PXDC1: variants seen among roughly 807,000 people sequenced by gnomAD.
PXDC1 encodes PX domain containing 1.
In PXDC1, 13 loss-of-function variants were observed where a neutral mutation model predicts 24.4. That is an observed-to-expected ratio of 0.53 (90% confidence interval 0.35 to 0.85). The LOEUF is 0.85. PXDC1 is among the 40% of genes least tolerant of loss of function. The pLI, the probability that PXDC1 is intolerant of heterozygous loss-of-function variation, is 0.01. For missense variants in PXDC1, 344 were observed against 309.3 expected (o/e 1.11, Z -0.84); for synonymous variants, 162 against 124.9 (o/e 1.30, Z -1.98).
chr6:3,728,777 T>A lies in PXDC1; in HGVS notation c.467-1115A>T, dbSNP rs1760129270. 6.6e-6 allele frequency among the ~76,000 whole-genome samples: 1 copy of A among 152,166 alleles called. No homozygotes were observed. The highest frequency in any genetic ancestry group is 6.5e-5 in the Admixed American group (1 of 15,278). On this transcript the variant is annotated intron_variant, in intron 3 of 4. Coordinates refer to ENST00000380283, the MANE Select transcript of PXDC1 (RefSeq NM_183373.4). This position sits in a 1 kb window ranked among gnomAD's most constrained non-coding sequence, Gnocchi z 4.0. The stretch of plus-strand genomic sequence containing the variant: ...TAGGTATAAAAAGCTGCAGCGTTCG[T>A]TTGTATTTTCTGAGGGACCGCGTTT...
rs749034885 is a variant in PXDC1 at position 3,751,480 on chromosome 6, C to A, written c.52G>T (p.Gly18Cys). ...CTGCGGATGCCGTTCACCCAGCAGC[C>A]GCGCACGAACATGTTCACGAGCGAC... ...GTSLVNMFVR[G>C]CWVNGIRRLI... The change falls in exon 1 of 5, where the codon GGC (glycine) becomes TGC (cysteine). Residue 18 changes from glycine (G) to cysteine (C), a missense_variant. Gly to Cys is a radical substitution (Grantham distance 159). Transcript: ENST00000380283. 3.1e-6 allele frequency: 5 copies of A among 1,604,534 alleles called. No homozygotes were observed. In the South Asian group the frequency reaches 3.4e-5, roughly 11 times the overall value.
At chr6:3,741,067 C>A (rs978510415) in intron 1 of PXDC1, among the ~76,000 whole-genome samples, 2 of 152,246 alleles carry the variant, frequency 1.3e-5, no homozygotes, top group Admixed American at 1.3e-4. Context: ...TGTGTGTGCA[C>A]CAGCTGCCCT....
At position 3,724,828 on chromosome 6, in the gene PXDC1, C is replaced by T. The variant is rs1717253547; in HGVS notation, c.579-1092G>A. On this transcript the variant is annotated intron_variant, in intron 4 of 4. Coordinates refer to ENST00000380283, the MANE Select transcript of PXDC1 (RefSeq NM_183373.4). This position sits in a 1 kb window ranked among gnomAD's most constrained non-coding sequence, Gnocchi z 4.5. The stretch of plus-strand genomic sequence containing the variant: ...GCATATGTCCCCCACAAACCTAGTA[C>T]ATCGTGCGAATCCCGCTGACCTCAA... Among the ~76,000 whole-genome samples the T allele has an allele frequency of 6.6e-6, 1 of 152,250 alleles. No individual in the cohort carries two copies. Among genetic ancestry groups the T allele is most frequent in the Non-Finnish European group, 1.5e-5 (1 of 68,046 alleles).
In PXDC1 at chr6:3,724,481, T is replaced by C. The variant is rs577835391; in HGVS notation, c.579-745A>G. Among the ~76,000 whole-genome samples the C allele has an allele frequency of 2.6e-5, 4 of 152,256 alleles. No individual in the cohort carries two copies. In the South Asian group the frequency reaches 8.3e-4, roughly 32 times the overall value. On this transcript the variant is annotated intron_variant, in intron 4 of 4. Transcript: ENST00000380283. This position sits in a 1 kb window ranked among gnomAD's most constrained non-coding sequence, Gnocchi z 4.5. ...CGTTAAGAAAAGAGACTCCAGGTCTTTAAAAATGCGTAACAGAGAAAAGCA... is the reference window on the plus strand; with the variant it reads ...CGTTAAGAAAAGAGACTCCAGGTCTCTAAAAATGCGTAACAGAGAAAAGCA...
At chr6:3,745,259 G>A (rs919077317) in intron 1 of PXDC1, among the ~76,000 whole-genome samples, 10 of 152,208 alleles carry the variant, frequency 6.6e-5, no homozygotes, top group Non-Finnish European at 1.3e-4. Context: ...CAAGCGGCTC[G>A]CTGCTCTCAG....
Position 3,737,312 on chromosome 6 carries a change from C to T in PXDC1, c.349-116G>A, listed in dbSNP as rs552608453. 3.6e-5 allele frequency: 26 copies of T among 728,602 alleles called. No individual in the cohort carries two copies. The highest frequency in any genetic ancestry group is 7.0e-5 in the African/African-American group (4 of 57,226). 45.1% of individuals were successfully genotyped at this position (728,602 alleles called of 1,614,324 possible). On this transcript the variant is annotated intron_variant, in intron 2 of 4. Transcript: ENST00000380283. This position sits in a 1 kb window ranked among gnomAD's most constrained non-coding sequence, Gnocchi z 5.5. ...AGGCAGCCTGTGTGATGCAAACGCC[C>T]CATGAATGTCCAGATGCTCCCATGG...
chr6:3,729,190 G>A (rs561709329), intron 3 of PXDC1, among the ~76,000 whole-genome samples: 6 of 152,144 alleles, frequency 3.9e-5, no homozygotes, highest in African/African-American at 9.6e-5. Context: ...GTTCATTCCC[G>A]TGTATGGATT....
chr6:3,740,496 C>G (rs1032773657), intron 1 of PXDC1, among the ~76,000 whole-genome samples: 1 of 152,242 alleles, frequency 6.6e-6, no homozygotes, highest in African/African-American at 2.4e-5. Context: ...TCTGCCTACG[C>G]TATCTTCTTT....
intron 1 of PXDC1, among the ~76,000 whole-genome samples, chr6:3,749,434 T>A (rs1760647354): frequency 1.3e-5 from 2 of 149,052 alleles, no homozygotes; most frequent in African/African-American, 4.9e-5. Flanking sequence ...TCTTCAACCT[T>A]TCTTCACTCT....
intron 3 of PXDC1, among the ~76,000 whole-genome samples, chr6:3,735,082 C>T (rs1299348146): frequency 1.3e-5 from 2 of 151,916 alleles, no homozygotes; most frequent in African/African-American, 4.8e-5. Context: ...AACCAACAAA[C>T]AAAACAACAA....
At chr6:3,744,907 C>T (rs977432769) in intron 1 of PXDC1, among the ~76,000 whole-genome samples, 1 of 152,230 alleles carries the variant, frequency 6.6e-6, no homozygotes, top group African/African-American at 2.4e-5. Context: ...ACCACGTCGG[C>T]CAGGCTGGTC....
chr6:3,723,499 G>T lies in PXDC1; in HGVS notation c.*120C>A. On this transcript the variant is annotated 3_prime_UTR_variant, in exon 5 of 5. Coordinates refer to ENST00000380283, the MANE Select transcript of PXDC1 (RefSeq NM_183373.4). Reference sequence around the variant, plus strand: ...ACCCAGGCCTCCTGGCGTCAGTGGGGCCTGGGACGTCTGGGAGTTCCAGAG... The same window carrying T: ...ACCCAGGCCTCCTGGCGTCAGTGGGTCCTGGGACGTCTGGGAGTTCCAGAG... 1 of 794,820 alleles carries T rather than the reference G, an allele frequency of 1.3e-6. No individual in the cohort carries two copies. The highest frequency in any genetic ancestry group is 2.2e-6 in the Non-Finnish European group (1 of 462,186). 49.2% of individuals were successfully genotyped at this position (794,820 alleles called of 1,614,324 possible).
chr6:3,750,567 T>C (rs976478410), intron 1 of PXDC1, among the ~76,000 whole-genome samples: 1 of 151,726 alleles, frequency 6.6e-6, no homozygotes, highest in African/African-American at 2.4e-5. Context: ...GGCAGAGCGG[T>C]AGGAAAAGGG....
chr6:3,746,714 C>A (rs1288020241), intron 1 of PXDC1, among the ~76,000 whole-genome samples: 5 of 152,188 alleles, frequency 3.3e-5, no homozygotes, highest in Admixed American at 3.3e-4. Flanking sequence ...TTCTGAGCCA[C>A]TGTCACTAAG....
Position 3,727,587 on chromosome 6 carries a change from C to T in PXDC1, c.542G>A (p.Arg181Lys), listed in dbSNP as rs1370946417. The T allele has an allele frequency of 6.2e-7, 1 of 1,613,300 alleles. No individual in the cohort carries two copies. The highest frequency in any genetic ancestry group is 8.5e-7 in the Non-Finnish European group (1 of 1,179,202). The change falls in exon 4 of 5, where the codon AGA becomes AAA. Residue 181 changes from arginine to lysine, a missense_variant. Coordinates refer to ENST00000380283, the MANE Select transcript of PXDC1 (RefSeq NM_183373.4). ...IVIDHSIPNGRDQQLGVDPTE... is the reference protein window; with the variant it reads ...IVIDHSIPNGKDQQLGVDPTE... Reference sequence around the variant, plus strand: ...TGGGTCCACGCCCAGCTGCTGGTCTCTTCCATTTGGTATACTGTGGTCAAT... The same window carrying T: ...TGGGTCCACGCCCAGCTGCTGGTCTTTTCCATTTGGTATACTGTGGTCAAT...
intron 1 of PXDC1, among the ~76,000 whole-genome samples, chr6:3,743,458 G>A (rs550118398): frequency 6.6e-6 from 1 of 152,198 alleles, no homozygotes; most frequent in East Asian, 1.9e-4. Flanking sequence ...AGGGGGGAAC[G>A]CAGCCTCATC....
At chr6:3,727,511 AG>A in intron 4 of PXDC1, 39 bp downstream of exon 4, 1 of 1,436,596 alleles carries the variant, frequency 7.0e-7, no homozygotes, top group Non-Finnish European at 9.8e-7. Context: ...CAAATGGCTC[AG>A]GACAGTCTAT....
At position 3,751,463 on chromosome 6, in the gene PXDC1, G is replaced by A. The variant is rs751844697; in HGVS notation, c.69C>T (p.Gly23=). 1.3e-5 allele frequency: 21 copies of A among 1,603,414 alleles called. No homozygotes were observed. Among genetic ancestry groups the A allele is most frequent in the East Asian group, 6.8e-5 (3 of 44,436 alleles). Reference sequence around the variant, plus strand: ...GCCGGCTGACGATGAGCCTGCGGATGCCGTTCACCCAGCAGCCGCGCACGA... The same window carrying A: ...GCCGGCTGACGATGAGCCTGCGGATACCGTTCACCCAGCAGCCGCGCACGA... ...NMFVRGCWVN[G]IRRLIVSRRG... Residue 23 remains glycine, a synonymous_variant, in exon 1 of 5, where the codon GGC becomes GGT. Transcript: ENST00000380283.
Position 3,737,263 on chromosome 6 carries a change from A to G in PXDC1, c.349-67T>C, listed in dbSNP as rs935221051. Reference sequence around the variant, plus strand: ...ACACGTTGGCCCTGTCTGTCTACCAAGAGAGGGCCCCGCTCCTCCGCAGAG... The same window carrying G: ...ACACGTTGGCCCTGTCTGTCTACCAGGAGAGGGCCCCGCTCCTCCGCAGAG... On this transcript the variant is annotated intron_variant, in intron 2 of 4. Transcript: ENST00000380283. This position sits in a 1 kb window ranked among gnomAD's most constrained non-coding sequence, Gnocchi z 5.5. The G allele has an allele frequency of 8.9e-7, 1 of 1,121,780 alleles. No individual in the cohort carries two copies. The highest frequency in any genetic ancestry group is 1.5e-5 in the African/African-American group (1 of 65,240). 69.5% of individuals were successfully genotyped at this position (1,121,780 alleles called of 1,614,324 possible).
Sources: gnomAD v4.1 joint callset for allele counts (sites outside exome capture counted in the v4.1 genomes callset) on GRCh38, gnomAD v4.1.1 for gene constraint, Gnocchi (gnomAD v3.1) non-coding constraint, MANE v1.5 for transcripts, NCBI Gene and HGNC (gene_info 2026-07-23, HGNC 2026-07-21) for gene names.